The following GLRA3 variants were observed in gnomAD, a reference collection of about 807,000 sequenced individuals.
The protein encoded by GLRA3 is glycine receptor alpha 3, also known as glycine receptor subunit alpha-3.
GLRA3 carries 44 observed loss-of-function variants against 60.4 expected under a neutral mutation model. That is an observed-to-expected ratio of 0.73 (90% CI 0.57 to 0.94). GLRA3 has a LOEUF of 0.94. Among genes scored for constraint, GLRA3 ranks in the 40% least tolerant of loss-of-function variants. GLRA3 has a pLI of 0.00. For synonymous variants in GLRA3, 223 were observed against 192.9 expected (o/e 1.16, Z -1.29); for missense variants, 508 against 564.6 (o/e 0.90, Z 1.02).
At chr4:174,788,582 T>C (rs1197183880) in intron 2 of GLRA3, among the ~76,000 whole-genome samples, 2 of 114,960 alleles carry the variant, frequency 1.7e-5, no homozygotes, top group African/African-American at 3.6e-5. Context: ...TTATAACAGT[T>C]AGAGAAGTAA....
chr4:174,737,010 A>G (rs1736818428), intron 3 of GLRA3, among the ~76,000 whole-genome samples: 1 of 152,234 alleles, frequency 6.6e-6, no homozygotes, highest in African/African-American at 2.4e-5. Context: ...TAACAGCTTC[A>G]TCTTGCATAC....
chr4:174,685,831 A>G (rs1285662151), intron 5 of GLRA3, among the ~76,000 whole-genome samples: 1 of 152,192 alleles, frequency 6.6e-6, no homozygotes, highest in Non-Finnish European at 1.5e-5. Flanking sequence ...TTCCACACCT[A>G]TAATCACTGA....
chr4:174,723,547 C>A (rs1736208569), intron 4 of GLRA3, among the ~76,000 whole-genome samples: 1 of 151,982 alleles, frequency 6.6e-6, no homozygotes, highest in African/African-American at 2.4e-5. Context: ...ACACACACAA[C>A]TACAATAAAT....
At chr4:174,716,462 T>C (rs1225666122) in intron 4 of GLRA3, among the ~76,000 whole-genome samples, 1 of 152,150 alleles carries the variant, frequency 6.6e-6, no homozygotes, top group Middle Eastern at 3.2e-3. Flanking sequence ...CTCTTCAGGG[T>C]AGTTTTTCTG....
chr4:174,650,589 A>G lies in GLRA3; in HGVS notation c.1116+6154T>C, dbSNP rs886453914. On this transcript the variant is annotated intron_variant, in intron 9 of 9. Coordinates refer to ENST00000274093, the MANE Select transcript of GLRA3 (RefSeq NM_006529.4). ...CCCAGACCAAAGGAATCTGAAAGGC[A>G]TCAGTCCATATCTAGGCCTGAAATA... is the stretch of plus-strand genomic sequence containing the variant. 2.6e-5 allele frequency among the ~76,000 whole-genome samples: 4 copies of G among 152,230 alleles called. No homozygotes were observed. In the East Asian group the frequency reaches 7.7e-4, roughly 29 times the overall value.
At chr4:174,660,236 T>TG (rs1200556114) in intron 7 of GLRA3, among the ~76,000 whole-genome samples, 4 of 152,136 alleles carry the variant, frequency 2.6e-5, no homozygotes, top group Non-Finnish European at 1.5e-5. Flanking sequence ...CTTTTTAATT[T>TG]AAAAAACAGA....
At chr4:174,736,628 G>C (rs1011842476) in intron 3 of GLRA3, among the ~76,000 whole-genome samples, 3 of 152,098 alleles carry the variant, frequency 2.0e-5, no homozygotes, top group African/African-American at 7.2e-5. Flanking sequence ...AGGTTTTATG[G>C]TACATTTAAG....
Position 174,824,042 on chromosome 4 carries a change from C to T in GLRA3, c.71+4699G>A, listed in dbSNP as rs77685309. Among the ~76,000 whole-genome samples, 1,517 of 152,214 alleles carry T rather than the reference C, an allele frequency of 1.0e-2. 21 individuals are homozygous for T. Among genetic ancestry groups the T allele is most frequent in the Middle Eastern group, 0.095 (28 of 294 alleles). On this transcript the variant is annotated intron_variant, in intron 1 of 9. Transcript: ENST00000274093. ...CACCACAGTATACTCACCTTTATAA[C>T]CTTTTGTAAATCTGTTGTCTGGCAA...
At chr4:174,780,905 C>T (rs1398402956) in intron 2 of GLRA3, among the ~76,000 whole-genome samples, 1 of 152,050 alleles carries the variant, frequency 6.6e-6, no homozygotes. Context: ...GACGGATCAA[C>T]GAGACAGAAA....
chr4:174,719,055 TG>T lies in GLRA3; in HGVS notation c.492-3486del, dbSNP rs1736039959. The stretch of plus-strand genomic sequence containing the variant: ...TCGGCTCACTGCAGGCTCCGCCCCC[TG>T]GGGTTCACCCCATTCTCCTGCCTCA... On this transcript the variant is annotated intron_variant, in intron 4 of 9. Transcript: ENST00000274093. Among the ~76,000 whole-genome samples the T allele has an allele frequency of 4.7e-5, 6 of 127,400 alleles. No individual in the cohort carries two copies. The South Asian group carries it at 7.9e-4, about 17-fold the overall frequency. 83.6% of individuals were successfully genotyped at this position (127,400 alleles called of 152,430 possible).
At chr4:174,752,999 C>T (rs1357099895) in intron 3 of GLRA3, among the ~76,000 whole-genome samples, 1 of 152,076 alleles carries the variant, frequency 6.6e-6, no homozygotes, top group Non-Finnish European at 1.5e-5. Flanking sequence ...TGTTATCAAG[C>T]CTCCTTGATG....
intron 1 of GLRA3, among the ~76,000 whole-genome samples, chr4:174,806,263 A>G (rs1740047923): frequency 6.6e-6 from 1 of 152,134 alleles, no homozygotes; most frequent in Admixed American, 6.6e-5. Context: ...CAAAAAAACA[A>G]GGTGTAATTC....
intron 3 of GLRA3, among the ~76,000 whole-genome samples, chr4:174,765,469 A>C (rs1738104365): frequency 6.6e-6 from 1 of 152,046 alleles, no homozygotes; most frequent in Non-Finnish European, 1.5e-5. Context: ...ATAGAGAAGT[A>C]TATTTCCAGG....
At chr4:174,679,587 T>G (rs1734263266) in intron 6 of GLRA3, among the ~76,000 whole-genome samples, 1 of 152,152 alleles carries the variant, frequency 6.6e-6, no homozygotes, top group African/African-American at 2.4e-5. Flanking sequence ...GATACATGTT[T>G]GTTGAAGCCC....
chr4:174,691,774 T>G (rs1432460179), intron 5 of GLRA3, among the ~76,000 whole-genome samples: 2 of 152,052 alleles, frequency 1.3e-5, no homozygotes, highest in Non-Finnish European at 2.9e-5. Flanking sequence ...TGCCTTGGCC[T>G]CCCAAAGTGC....
In GLRA3 at chr4:174,797,487, A is replaced by AT. The variant is rs1027673371; in HGVS notation, c.72-8545dup. 3.3e-5 allele frequency among the ~76,000 whole-genome samples: 5 copies of AT among 152,098 alleles called. No homozygotes were observed. In the East Asian group the frequency reaches 7.7e-4, roughly 24 times the overall value. On this transcript the variant is annotated intron_variant, in intron 1 of 9. Transcript: ENST00000274093. ...GGCTCATACACATTCCCATCAATGA[A>AT]TTTTTTTTAACTTAGGTATTTTATA...
chr4:174,684,911 A>G (rs1734497261), intron 5 of GLRA3, among the ~76,000 whole-genome samples: 1 of 152,172 alleles, frequency 6.6e-6, no homozygotes, highest in Non-Finnish European at 1.5e-5. Flanking sequence ...TGGGAGGCTG[A>G]GGCAGGAGAA....
intron 9 of GLRA3, among the ~76,000 whole-genome samples, chr4:174,654,251 C>T (rs1367050054): frequency 6.6e-6 from 1 of 152,034 alleles, no homozygotes; most frequent in Non-Finnish European, 1.5e-5. Context: ...TTGTGTTTAT[C>T]CTTAGACTAT....
chr4:174,646,377 A>C (rs1732815402), intron 9 of GLRA3, among the ~76,000 whole-genome samples: 1 of 152,248 alleles, frequency 6.6e-6, no homozygotes, highest in African/African-American at 2.4e-5. Flanking sequence ...GTAAAGAGTT[A>C]ATACCCAGCC....
Sources: gnomAD v4.1 joint callset for allele counts (sites outside exome capture counted in the v4.1 genomes callset) on GRCh38, gnomAD v4.1.1 for gene constraint, MANE v1.5 for transcripts, NCBI Gene and HGNC (gene_info 2026-07-23, HGNC 2026-07-21) for gene names.